Variants in KIRREL3 observed in about 807,000 individuals in gnomAD.
KIRREL3 encodes the protein kirre like nephrin family adhesion molecule 3, also known as kin of IRRE-like protein 3.
In KIRREL3, 36 loss-of-function variants were observed where a neutral mutation model predicts 89.7. The ratio of observed to expected loss-of-function variants is 0.40; its 90% confidence interval spans 0.31 to 0.53. The LOEUF (loss-of-function observed/expected upper bound fraction) is 0.53, where lower values mean the gene tolerates loss of function less well. Among genes scored for constraint, KIRREL3 ranks in the 20% least tolerant of loss-of-function variants. The probability of loss-of-function intolerance (pLI) is 0.49; values close to 1 mark genes in which losing one functional copy is unlikely to be tolerated. For missense variants in KIRREL3, 864 were observed against 1,056.6 expected (o/e 0.82, Z 2.53); for synonymous variants, 445 against 441.4 (o/e 1.01, Z -0.10).
At chr11:126,840,494 C>T (rs1221025755) in intron 1 of KIRREL3, among the ~76,000 whole-genome samples, 1 of 152,132 alleles carries the variant, frequency 6.6e-6, no homozygotes. Context: ...AAACTTCCTC[C>T]AAAAGGCCAC....
rs766266024 is a variant in KIRREL3, at chr11:126,923,176, C to CTTCTTCTTCTTCTTCTTCTCT, written c.55+77278_55+77279insAGAGAAGAAGAAGAAGAAGAA. On this transcript the variant is annotated intron_variant, in intron 1 of 16. Transcript: ENST00000525144. ...TCTTCTTCTTCTTCTTCTTCTTCTTCTCTTCTTCTTCTCTTCTTCTTCTTC... is the reference window on the plus strand; with the variant it reads ...TCTTCTTCTTCTTCTTCTTCTTCTTCTTCTTCTTCTTCTTCTTCTCTTCTTCTTCTTCTCTTCTTCTTCTTC... Among the ~76,000 whole-genome samples the CTTCTTCTTCTTCTTCTTCTCT allele has an allele frequency of 4.4e-4, 8 of 17,996 alleles. 1 individual carries two copies. The highest frequency in any genetic ancestry group is 1.9e-3 in the Admixed American group (3 of 1,542). 11.8% of individuals were successfully genotyped at this position (17,996 alleles called of 152,430 possible). A position where few individuals can be genotyped will look rare whatever the true frequency, so the allele number is the denominator to read the frequency against.
intron 7 of KIRREL3, among the ~76,000 whole-genome samples, chr11:126,452,282 TTAAC>T (rs1416098517): frequency 6.6e-6 from 1 of 152,264 alleles, no homozygotes; most frequent in Non-Finnish European, 1.5e-5. Context: ...TTTCAATCTC[TTAAC>T]TTTGATTTAA....
At position 126,780,523 on chromosome 11, in the gene KIRREL3, A is replaced by G. The variant is rs963424069; in HGVS notation, c.56-217611T>C. On this transcript the variant is annotated intron_variant, in intron 1 of 16. Transcript: ENST00000525144. This position sits in a 1 kb window ranked among gnomAD's most constrained non-coding sequence, Gnocchi z 5.3. ...TTTGCTTGGCTTCTTTGAAAAATGAATTTGGGGGCTGAGATTTCTCATCAG... is the reference window on the plus strand; with the variant it reads ...TTTGCTTGGCTTCTTTGAAAAATGAGTTTGGGGGCTGAGATTTCTCATCAG... Among the ~76,000 whole-genome samples the G allele has an allele frequency of 5.3e-5, 8 of 152,192 alleles. No homozygotes were observed. The highest frequency in any genetic ancestry group is 1.9e-4 in the African/African-American group (8 of 41,438).
chr11:126,497,544 CT>C (rs1160103494), intron 4 of KIRREL3, among the ~76,000 whole-genome samples: 1 of 151,980 alleles, frequency 6.6e-6, no homozygotes. Context: ...CTCACCTCTG[CT>C]CTTCAGCTCA....
chr11:126,933,653 A>G (rs1262954672), intron 1 of KIRREL3, among the ~76,000 whole-genome samples: 1 of 152,064 alleles, frequency 6.6e-6, no homozygotes, highest in Non-Finnish European at 1.5e-5. Context: ...CACACAAGAA[A>G]TCATCCAAAA....
intron 1 of KIRREL3, among the ~76,000 whole-genome samples, chr11:126,775,313 C>T (rs1282295192): frequency 6.6e-6 from 1 of 152,178 alleles, no homozygotes; most frequent in African/African-American, 2.4e-5. Context: ...AAGAAATTCT[C>T]CCCAGTCCCA....
intron 1 of KIRREL3, among the ~76,000 whole-genome samples, chr11:126,745,494 AC>A (rs1289312863): frequency 8.5e-4 from 29 of 34,020 alleles, no homozygotes; most frequent in South Asian, 1.4e-3. Context: ...AAACAGAAAA[AC>A]AAAAAAAAAA....
At position 126,527,707 on chromosome 11, in the gene KIRREL3, G is replaced by A. The variant is rs1405628143; in HGVS notation, c.134-1020C>T. ...CCCATTTGACAGGACTTTGGGAAAC[G>A]GAGGCTCAGGGTTAACTGAATTGCC... On this transcript the variant is annotated intron_variant, in intron 2 of 16. Coordinates refer to ENST00000525144, the MANE Select transcript of KIRREL3 (RefSeq NM_032531.4). The surrounding 1 kb of genome is among the most constrained non-coding windows in gnomAD (Gnocchi z 4.2). Among the ~76,000 whole-genome samples, 1 of 152,126 alleles carries A rather than the reference G, an allele frequency of 6.6e-6. No individual in the cohort carries two copies. Among genetic ancestry groups the A allele is most frequent in the African/African-American group, 2.4e-5 (1 of 41,422 alleles).
intron 1 of KIRREL3, among the ~76,000 whole-genome samples, chr11:126,829,591 T>C (rs1162480391): frequency 6.6e-6 from 1 of 152,090 alleles, no homozygotes; most frequent in Non-Finnish European, 1.5e-5. Context: ...ACCCTTTGCA[T>C]TGGGAAACCT....
chr11:126,674,335 T>C (rs1946091705), intron 1 of KIRREL3, among the ~76,000 whole-genome samples: 1 of 152,238 alleles, frequency 6.6e-6, no homozygotes, highest in African/African-American at 2.4e-5. Flanking sequence ...TGCAAGCACT[T>C]ACTGAGCACC....
intron 1 of KIRREL3, among the ~76,000 whole-genome samples, chr11:126,693,277 C>T (rs778500474): frequency 1.3e-5 from 2 of 152,050 alleles, no homozygotes; most frequent in East Asian, 1.9e-4. Context: ...AAAAATTAGC[C>T]GGGCGTGGTG....
chr11:126,947,686 TG>T (rs1389333038), intron 1 of KIRREL3, among the ~76,000 whole-genome samples: 1 of 152,230 alleles, frequency 6.6e-6, no homozygotes, highest in Non-Finnish European at 1.5e-5. Context: ...AGAGATGGGA[TG>T]GGATAGCTGT....
intron 1 of KIRREL3, among the ~76,000 whole-genome samples, chr11:126,760,328 T>G (rs564974485): frequency 6.6e-6 from 1 of 152,236 alleles, no homozygotes; most frequent in Admixed American, 6.5e-5. Context: ...GGAGTAGAGA[T>G]GAGAACTCAT....
rs1250458734 is a variant in KIRREL3, at chr11:126,477,563, G to C, written c.434-4097C>G. Among the ~76,000 whole-genome samples the C allele has an allele frequency of 6.6e-6, 1 of 152,220 alleles. No homozygotes were observed. Among genetic ancestry groups the C allele is most frequent in the Non-Finnish European group, 1.5e-5 (1 of 68,038 alleles). ...TCCTGGCTGTAACTGGAGAGGTAAA[G>C]CTTTCATCTATTTCACGCACTAAGG... On this transcript the variant is annotated intron_variant, in intron 4 of 16. Coordinates refer to ENST00000525144, the MANE Select transcript of KIRREL3 (RefSeq NM_032531.4). This position sits in a 1 kb window ranked among gnomAD's most constrained non-coding sequence, Gnocchi z 4.8.
chr11:126,799,399 CATCTATCTGTGTGT>C (rs1359395287), intron 1 of KIRREL3, among the ~76,000 whole-genome samples: 3 of 1,600 alleles, frequency 1.9e-3, no homozygotes, highest in South Asian at 0.071. Flanking sequence ...TCTGTGTGTG[CATCTATCTGTGTGT>C]GCGTCTCTGT....
Position 126,978,290 on chromosome 11 carries a change from C to A in KIRREL3, c.55+22165G>T, listed in dbSNP as rs1442975826. On this transcript the variant is annotated intron_variant, in intron 1 of 16. Transcript: ENST00000525144. The surrounding 1 kb of genome is among the most constrained non-coding windows in gnomAD (Gnocchi z 4.2). ...TACCAACATTCTTCCTGTGTCAGAT[C>A]TGTCCTCCCCTGTGGTGGGCGTGTT... Among the ~76,000 whole-genome samples, 3 of 152,188 alleles carry A rather than the reference C, an allele frequency of 2.0e-5. No homozygotes were observed. Among genetic ancestry groups the A allele is most frequent in the Non-Finnish European group, 4.4e-5 (3 of 68,036 alleles).
At position 126,606,393 on chromosome 11, in the gene KIRREL3, T is replaced by C. The variant is rs1213268084; in HGVS notation, c.56-43481A>G. Among the ~76,000 whole-genome samples, 2 of 152,174 alleles carry C rather than the reference T, an allele frequency of 1.3e-5. No homozygotes were observed. The highest frequency in any genetic ancestry group is 2.9e-5 in the Non-Finnish European group (2 of 68,044). On this transcript the variant is annotated intron_variant, in intron 1 of 16. Coordinates refer to ENST00000525144, the MANE Select transcript of KIRREL3 (RefSeq NM_032531.4). This position sits in a 1 kb window ranked among gnomAD's most constrained non-coding sequence, Gnocchi z 4.6. The stretch of plus-strand genomic sequence containing the variant: ...CTGTAAAATACGGGGAAATAATACC[T>C]AACTCATGGAGCTGTGAGGAGTGAG...
At position 126,513,089 on chromosome 11, in the gene KIRREL3, T is replaced by A. The variant is rs891675269; in HGVS notation, c.433+8226A>T. Among the ~76,000 whole-genome samples the A allele has an allele frequency of 7.2e-5, 11 of 152,136 alleles. No individual in the cohort carries two copies. Among genetic ancestry groups the A allele is most frequent in the African/African-American group, 2.6e-4 (11 of 41,524 alleles). On this transcript the variant is annotated intron_variant, in intron 4 of 16. Coordinates refer to ENST00000525144, the MANE Select transcript of KIRREL3 (RefSeq NM_032531.4). The surrounding 1 kb of genome is among the most constrained non-coding windows in gnomAD (Gnocchi z 5.9). The stretch of plus-strand genomic sequence containing the variant: ...GGATGGTGGTGACACACTCCAGAAC[T>A]TCCCAGGGCTGCCCTGAAGAGCCTG...
chr11:126,683,859 C>T lies in KIRREL3; in HGVS notation c.56-120947G>A, dbSNP rs893613367. Among the ~76,000 whole-genome samples the T allele has an allele frequency of 9.9e-5, 15 of 152,244 alleles. No individual in the cohort carries two copies. Among genetic ancestry groups the T allele is most frequent in the East Asian group, 9.6e-4 (5 of 5,198 alleles). ...CTTGAAACCCTCGCCAGGCCCCAGA[C>T]GCGCGTGGGTCCACCTACCGTCCAT... On this transcript the variant is annotated intron_variant, in intron 1 of 16. Transcript: ENST00000525144. This position sits in a 1 kb window ranked among gnomAD's most constrained non-coding sequence, Gnocchi z 5.2.
Sources: gnomAD v4.1 joint callset for allele counts (sites outside exome capture counted in the v4.1 genomes callset) on GRCh38, gnomAD v4.1.1 for gene constraint, Gnocchi (gnomAD v3.1) non-coding constraint, MANE v1.5 for transcripts, NCBI Gene and HGNC (gene_info 2026-07-23, HGNC 2026-07-21) for gene names.